Variants in LTAP1 observed in about 807,000 individuals in gnomAD.
LTAP1 encodes HCV NS5A-transactivated protein 4.
the LTAP1 span, chr1:154,220,289 G>C: frequency 6.3e-7 from 1 of 1,598,374 alleles, no homozygotes; most frequent in African/African-American, 1.3e-5. Flanking sequence ...CAAAAGGAGG[G>C]TCTCTACTGG....
the LTAP1 span, among the ~76,000 whole-genome samples, chr1:154,216,003 A>C: frequency 1.3e-5 from 2 of 151,846 alleles, no homozygotes; most frequent in African/African-American, 2.4e-5. Context: ...ACGCCTGGCT[A>C]ATTTTTTGTA....
the LTAP1 span, among the ~76,000 whole-genome samples, chr1:154,211,321 A>ATTT: frequency 2.2e-5 from 2 of 92,824 alleles, no homozygotes; most frequent in African/African-American, 4.7e-5. Flanking sequence ...ATGTTATTTA[A>ATTT]TTCTTTTTTT....
At chr1:154,207,951 A>C in the LTAP1 span, among the ~76,000 whole-genome samples, 2 of 152,224 alleles carry the variant, frequency 1.3e-5, no homozygotes, top group African/African-American at 4.8e-5. Flanking sequence ...AAATACAAAA[A>C]TTAGCTGGGA....
chr1:154,220,297 T>C, the LTAP1 span: 1 of 1,609,014 alleles, frequency 6.2e-7, no homozygotes, highest in Non-Finnish European at 8.5e-7. Context: ...GGGTCTCTAC[T>C]GGGTAAGATG....
chr1:154,220,117 G>A, the LTAP1 span: 1 of 715,226 alleles, frequency 1.4e-6, no homozygotes, highest in African/African-American at 1.8e-5. Flanking sequence ...CAGCAGCAGG[G>A]AGGCGTGGGG....
chr1:154,215,781 A>G, the LTAP1 span, among the ~76,000 whole-genome samples: 22 of 152,282 alleles, frequency 1.4e-4, no homozygotes, highest in East Asian at 3.9e-3. Flanking sequence ...TAAAAAGCAT[A>G]ATAATGAACA....
At chr1:154,215,840 CTTTTTTT>C in the LTAP1 span, among the ~76,000 whole-genome samples, 9 of 137,782 alleles carry the variant, frequency 6.5e-5, no homozygotes, top group Non-Finnish European at 1.2e-4. Flanking sequence ...CACTAACTTT[CTTTTTTT>C]TTTTTTTTGA....
the LTAP1 span, chr1:154,207,758 T>C: frequency 1.1e-6 from 1 of 901,122 alleles, no homozygotes; most frequent in East Asian, 2.5e-5. Context: ...ATTTGTGTCC[T>C]ATCTGTCCTA....
the LTAP1 span, among the ~76,000 whole-genome samples, chr1:154,211,321 A>ATT: frequency 3.2e-5 from 3 of 92,820 alleles, no homozygotes; most frequent in African/African-American, 1.4e-4. Flanking sequence ...ATGTTATTTA[A>ATT]TTCTTTTTTT....
At chr1:154,208,717 C>T in the LTAP1 span, among the ~76,000 whole-genome samples, 123 of 152,268 alleles carry the variant, frequency 8.1e-4, no homozygotes, top group African/African-American at 2.7e-3. Context: ...CTTCACTAAA[C>T]CCAATGAACA....
At chr1:154,218,735 T>TA in the LTAP1 span, among the ~76,000 whole-genome samples, 7 of 152,158 alleles carry the variant, frequency 4.6e-5, no homozygotes, top group Non-Finnish European at 2.9e-5. Flanking sequence ...GTCCTGGCTT[T>TA]ATAGTCGTGA....
At chr1:154,215,065 A>C in the LTAP1 span, among the ~76,000 whole-genome samples, 1 of 151,858 alleles carries the variant, frequency 6.6e-6, no homozygotes, top group Non-Finnish European at 1.5e-5. Flanking sequence ...GGCTGGTCTC[A>C]AACTCCTGAC....
the LTAP1 span, chr1:154,214,469 G>T: frequency 6.2e-7 from 1 of 1,610,814 alleles, no homozygotes; most frequent in South Asian, 1.1e-5. Flanking sequence ...TGATTTCCCT[G>T]GGTTTCCAGT....
At chr1:154,212,354 G>A in the LTAP1 span, 20 of 1,614,164 alleles carry the variant, frequency 1.2e-5, no homozygotes, top group African/African-American at 1.7e-4. Context: ...TCCTGATAGC[G>A]TAGGTACTCA....
At chr1:154,217,741 C>T in the LTAP1 span, among the ~76,000 whole-genome samples, 5 of 151,996 alleles carry the variant, frequency 3.3e-5, no homozygotes, top group African/African-American at 9.7e-5. Flanking sequence ...CTCCTGACCT[C>T]AAGTGTTATC....
chr1:154,220,197 A>G, the LTAP1 span: 4 of 1,039,886 alleles, frequency 3.8e-6, no homozygotes, highest in African/African-American at 1.6e-5. Flanking sequence ...AGTGACTTAA[A>G]CTCCCACCTA....
At chr1:154,212,825 C>T in the LTAP1 span, 1 of 570,092 alleles carries the variant, frequency 1.8e-6, no homozygotes. Flanking sequence ...CCATGCCAGG[C>T]TTATTTTTGT....
At chr1:154,212,439 G>A in the LTAP1 span, 29 of 1,613,988 alleles carry the variant, frequency 1.8e-5, no homozygotes, top group East Asian at 1.1e-4. Flanking sequence ...TTAGTGCCCC[G>A]AAGAAAAAAC....
the LTAP1 span, among the ~76,000 whole-genome samples, chr1:154,208,790 G>T: frequency 6.6e-6 from 1 of 152,096 alleles, no homozygotes; most frequent in Non-Finnish European, 1.5e-5. Flanking sequence ...TTTCTCTGTT[G>T]CTCAGGCTGG....
Sources: gnomAD v4.1 joint callset for allele counts (sites outside exome capture counted in the v4.1 genomes callset) on GRCh38, gnomAD v4.1.1 for gene constraint, MANE v1.5 for transcripts, NCBI Gene and HGNC (gene_info 2026-07-23, HGNC 2026-07-21) for gene names.